The following DIS3L2 variants were observed in gnomAD, a reference collection of about 807,000 sequenced individuals.
The protein encoded by DIS3L2 is DIS3 like 3'-5' exoribonuclease 2.
A neutral mutation model predicts 97.5 loss-of-function variants in DIS3L2; 34 were observed. The ratio of observed to expected loss-of-function variants is 0.35; its 90% CI spans 0.27 to 0.46. The LOEUF is 0.46. DIS3L2 is among the 20% of genes least tolerant of loss of function. DIS3L2 has a pLI of 1.00. For synonymous variants in DIS3L2, 435 were observed against 445.2 expected (o/e 0.98, Z 0.29); for missense variants, 1,038 against 1,146.0 (o/e 0.91, Z 1.36).
intron 9 of DIS3L2, among the ~76,000 whole-genome samples, chr2:232,176,936 C>T (rs1419075085): frequency 6.9e-6 from 1 of 145,954 alleles, no homozygotes; most frequent in Non-Finnish European, 1.5e-5. Flanking sequence ...GGTATATCTC[C>T]CAATGCTATC....
chr2:232,244,813 G>A (rs1270735434), intron 11 of DIS3L2, among the ~76,000 whole-genome samples: 1 of 152,160 alleles, frequency 6.6e-6, no homozygotes, highest in Non-Finnish European at 1.5e-5. Flanking sequence ...CTTCTGAGGG[G>A]CGTGGGGAAG....
intron 6 of DIS3L2, among the ~76,000 whole-genome samples, chr2:232,127,674 A>G (rs147825649): frequency 1.3e-5 from 2 of 152,186 alleles, no homozygotes; most frequent in African/African-American, 4.8e-5. Context: ...CTTGGCACCT[A>G]TCTACCTCTC....
chr2:231,976,398 G>A (rs1404856072), intron 1 of DIS3L2, among the ~76,000 whole-genome samples: 2 of 152,112 alleles, frequency 1.3e-5, no homozygotes, highest in Non-Finnish European at 1.5e-5. Context: ...GGGAGGCTGA[G>A]GCGGGCAGAT....
chr2:232,117,844 A>G (rs937046835), intron 6 of DIS3L2, among the ~76,000 whole-genome samples: 1 of 152,340 alleles, frequency 6.6e-6, no homozygotes, highest in South Asian at 2.1e-4. Context: ...TTAGATGTGT[A>G]TTAGGTATCT....
chr2:232,104,819 T>C (rs1165334398), intron 6 of DIS3L2, among the ~76,000 whole-genome samples: 2 of 152,184 alleles, frequency 1.3e-5, no homozygotes, highest in Admixed American at 6.6e-5. Context: ...GTTTGTTTTT[T>C]GCTTTTGAGA....
At chr2:231,989,229 T>TG (rs1425143606) in intron 1 of DIS3L2, among the ~76,000 whole-genome samples, 1 of 152,114 alleles carries the variant, frequency 6.6e-6, no homozygotes. Context: ...ATGCTTTCTG[T>TG]AAGTAAAGGC....
intron 13 of DIS3L2, chr2:232,343,139 C>T (rs997895004): frequency 1.5e-5 from 9 of 581,028 alleles, no homozygotes; most frequent in Admixed American, 5.8e-5. Context: ...AAGGCCCCCT[C>T]AACCTGGCTC....
chr2:232,042,516 CAA>C (rs1695137016), intron 5 of DIS3L2, among the ~76,000 whole-genome samples: 1 of 152,138 alleles, frequency 6.6e-6, no homozygotes, highest in South Asian at 2.1e-4. Flanking sequence ...GAGCCTCCAT[CAA>C]GAGTAGTATG....
chr2:232,128,501 C>A (rs1258574285), intron 6 of DIS3L2, among the ~76,000 whole-genome samples: 1 of 111,294 alleles, frequency 9.0e-6, no homozygotes, highest in Admixed American at 1.4e-4. Context: ...TTCTTGCAGG[C>A]TGGAGTGCAG....
chr2:232,252,672 G>A (rs1003127410), intron 12 of DIS3L2, among the ~76,000 whole-genome samples: 1 of 152,080 alleles, frequency 6.6e-6, no homozygotes. Flanking sequence ...AGGCCGAAGC[G>A]GGCAGATTGC....
chr2:232,021,073 T>G (rs771723521), intron 3 of DIS3L2, among the ~76,000 whole-genome samples: 8 of 152,186 alleles, frequency 5.3e-5, no homozygotes, highest in Non-Finnish European at 1.2e-4. Flanking sequence ...ATGTTTGTGA[T>G]TGCCAGTTAG....
chr2:231,973,720 C>T (rs1574776580), intron 1 of DIS3L2, among the ~76,000 whole-genome samples: 1 of 152,226 alleles, frequency 6.6e-6, no homozygotes, highest in East Asian at 1.9e-4. Flanking sequence ...GTGATTATTA[C>T]AAGCTGCAAC....
At chr2:232,296,452 C>G (rs1172355213) in intron 13 of DIS3L2, among the ~76,000 whole-genome samples, 2 of 152,214 alleles carry the variant, frequency 1.3e-5, no homozygotes, top group Non-Finnish European at 2.9e-5. Context: ...TATGGTTTGG[C>G]TCTGTGTCCC....
chr2:232,284,027 C>A (rs771275225), intron 13 of DIS3L2, among the ~76,000 whole-genome samples: 1 of 151,894 alleles, frequency 6.6e-6, no homozygotes, highest in Non-Finnish European at 1.5e-5. Flanking sequence ...TTGCAATTTC[C>A]TGAAGCTATA....
At position 232,024,323 on chromosome 2, in the gene DIS3L2, CT is replaced by C; in HGVS notation, c.259del (p.Ser87ProfsTer20). 6.3e-7 allele frequency: 1 copy of C among 1,599,674 alleles called. No individual in the cohort carries two copies. The highest frequency in any genetic ancestry group is 1.1e-5 in the South Asian group (1 of 87,304). Reference sequence around the variant, plus strand: ...AAGAAGTTTCATGAAGCCTTCATTCCTTCCCCGGTAAGTTCAATAAATTTAT... The same window carrying C: ...AAGAAGTTTCATGAAGCCTTCATTCCTCCCCGGTAAGTTCAATAAATTTAT... ...NPKKFHEAFI[P>X]SPDGDRDIFI... On this transcript the variant is annotated frameshift_variant, in exon 4 of 21. Transcript: ENST00000325385. LOFTEE classifies it high-confidence loss of function.
intron 1 of DIS3L2, among the ~76,000 whole-genome samples, chr2:231,994,815 C>CTTT (rs560154000): frequency 1.5e-5 from 2 of 134,438 alleles, no homozygotes; most frequent in African/African-American, 5.6e-5. Context: ...CATTCTTTTT[C>CTTT]TTTTTTTTTT....
At chr2:232,061,915 T>G (rs1225460944) in intron 5 of DIS3L2, among the ~76,000 whole-genome samples, 5 of 152,206 alleles carry the variant, frequency 3.3e-5, no homozygotes, top group African/African-American at 4.8e-5. Context: ...GTACCACACT[T>G]GGGCCCAAAC....
intron 1 of DIS3L2, among the ~76,000 whole-genome samples, chr2:231,982,109 C>T (rs1246260816): frequency 6.6e-6 from 1 of 151,556 alleles, no homozygotes. Flanking sequence ...GTTAAGTTCA[C>T]CTCCCCCTAT....
At chr2:232,305,909 C>T (rs1458301340) in intron 14 of DIS3L2, among the ~76,000 whole-genome samples, 4 of 151,190 alleles carry the variant, frequency 2.6e-5, no homozygotes, top group African/African-American at 7.3e-5. Flanking sequence ...GAGCTGAGAT[C>T]GTGCCATTGC....
Sources: allele counts gnomAD v4.1 joint callset (sites outside exome capture counted in the v4.1 genomes callset), GRCh38; gene constraint gnomAD v4.1.1; transcripts MANE v1.5; gene names NCBI Gene and HGNC (gene_info 2026-07-23, HGNC 2026-07-21).